Variants in GABRD observed in about 807,000 individuals in gnomAD.
GABRD encodes the protein gamma-aminobutyric acid type A receptor subunit delta, also known as gamma-aminobutyric acid receptor subunit delta.
In GABRD, 25 loss-of-function variants were observed where a neutral mutation model predicts 47.3. The ratio of observed to expected loss-of-function variants is 0.53; its 90% CI spans 0.39 to 0.74. GABRD has a LOEUF of 0.74. Ranked by LOEUF, GABRD falls within the 30% of genes least tolerant of loss-of-function variation. GABRD has a pLI of 0.00. For missense variants in GABRD, 497 were observed against 643.4 expected (o/e 0.77, Z 2.46); for synonymous variants, 314 against 278.8 (o/e 1.13, Z -1.26).
At chr1:2,029,921 C>T (rs1170900334) in intron 8 of GABRD, 62 bp from the exon 9 acceptor site, 21 of 1,592,072 alleles carry the variant, frequency 1.3e-5, no homozygotes, top group Non-Finnish European at 1.8e-5. Context: ...CACCTGTGGT[C>T]CAGGGCCCTG....
At chr1:2,019,533 G>C in intron 1 of GABRD, 42 bp downstream of exon 1, 1 of 1,079,620 alleles carries the variant, frequency 9.3e-7, no homozygotes, top group South Asian at 4.5e-5. Flanking sequence ...CGGGGGCGGT[G>C]GGGGGCCCGC....
chr1:2,027,265 T>C (rs1045171429), intron 4 of GABRD: 1 of 450,070 alleles, frequency 2.2e-6, no homozygotes, highest in Non-Finnish European at 4.1e-6. Flanking sequence ...TCCCGTGTGT[T>C]CCTCAGCCAT....
chr1:2,022,335 C>G (rs1012373408), intron 1 of GABRD: 1 of 152,436 alleles, frequency 6.6e-6, no homozygotes. Flanking sequence ...CGCACGCCCC[C>G]GCACTCTGGC....
rs146853417 is a variant in GABRD, at chr1:2,028,265, A to G, written c.664A>G (p.Thr222Ala). ...GTTCACCATCACCAGCTACCGCTTC[A>G]CCACGGAGCTGATGAACTTCAAGTC... ...AQFTITSYRF[T>A]TELMNFKSAG... is the part of the protein sequence containing the mutation. Residue 222 changes from threonine (T) to alanine (A), a missense_variant, in exon 6 of 9, where the codon ACC becomes GCC. Around this residue, in one of 3 missense-constraint regions of GABRD, gnomAD observed 285 missense variants for 436.6 expected, o/e 0.65. Transcript: ENST00000378585. The surrounding 1 kb of genome is among the most constrained non-coding windows in gnomAD (Gnocchi z 6.4). The G allele has an allele frequency of 1.1e-5, 18 of 1,611,796 alleles. No homozygotes were observed. The Middle Eastern group carries it at 1.0e-3, about 90-fold the overall frequency.
intron 1 of GABRD, among the ~76,000 whole-genome samples, chr1:2,023,353 C>T (rs939299299): frequency 2.6e-5 from 4 of 151,890 alleles, no homozygotes; most frequent in Non-Finnish European, 5.9e-5. Flanking sequence ...GCTGGTGGCC[C>T]GGCCTCAGCT....
At chr1:2,020,623 A>T (rs1658747025) in intron 1 of GABRD, among the ~76,000 whole-genome samples, 1 of 152,170 alleles carries the variant, frequency 6.6e-6, no homozygotes, top group Non-Finnish European at 1.5e-5. Flanking sequence ...CATCAATCCC[A>T]GTGGGCCTTT....
At position 2,024,961 on chromosome 1, in the gene GABRD, G is replaced by A. The variant is rs74786356; in HGVS notation, c.88G>A (p.Asp30Asn). The stretch of plus-strand genomic sequence containing the variant: ...CCCCAGAGCGATGAATGACATCGGC[G>A]ACTACGTGGGCTCCAACCTGGAGAT... ...RGTRAMNDIGDYVGSNLEISW... is the reference protein window; with the variant it reads ...RGTRAMNDIGNYVGSNLEISW... The change falls in exon 2 of 9, where the codon GAC becomes AAC. Residue 30 changes from aspartate (D) to asparagine (N), a missense_variant. Around this residue, in one of 3 missense-constraint regions of GABRD, gnomAD observed 91 missense variants for 85.5 expected, o/e 1.06. Transcript: ENST00000378585. 5.0e-6 allele frequency: 8 copies of A among 1,612,752 alleles called. No individual in the cohort carries two copies. The highest frequency in any genetic ancestry group is 1.7e-4 in the Middle Eastern group (1 of 6,054).
At chr1:2,023,053 G>A (rs1171129195) in intron 1 of GABRD, among the ~76,000 whole-genome samples, 1 of 152,184 alleles carries the variant, frequency 6.6e-6, no homozygotes, top group Non-Finnish European at 1.5e-5. Context: ...CGCACCTGAG[G>A]ATAAAGTGTA....
chr1:2,025,452 G>C (rs746967044), intron 3 of GABRD, 51 bp downstream of exon 3: 23 of 1,611,908 alleles, frequency 1.4e-5, no homozygotes, highest in Non-Finnish European at 4.2e-6. Flanking sequence ...CACAGCCTCT[G>C]CCCTGGGCTG....
chr1:2,030,176 G>A lies in GABRD; in HGVS notation c.1253G>A (p.Arg418Gln), dbSNP rs145055222. The A allele has an allele frequency of 6.4e-6, 10 of 1,570,166 alleles. No homozygotes were observed. Among genetic ancestry groups the A allele is most frequent in the East Asian group, 2.3e-5 (1 of 44,356 alleles). The stretch of plus-strand genomic sequence containing the variant: ...GGAGGCCAGGGGGGCATCCGTGCCC[G>A]GCTCAGGCCCATCGACGCAGACACC... ...RSGGQGGIRA[R>Q]LRPIDADTID... Residue 418 changes from arginine to glutamine, a missense_variant, in exon 9 of 9, where the codon CGG becomes CAG. Coordinates refer to ENST00000378585, the MANE Select transcript of GABRD (RefSeq NM_000815.5).
intron 4 of GABRD, chr1:2,026,488 G>A (rs116551199): frequency 1.3e-5 from 2 of 152,238 alleles, no homozygotes; most frequent in African/African-American, 4.8e-5. Context: ...TTGAAAACCT[G>A]TTTTCAGACA....
At chr1:2,025,446 G>A in intron 3 of GABRD, 45 bp downstream of exon 3, 1 of 1,612,322 alleles carries the variant, frequency 6.2e-7, no homozygotes, top group Non-Finnish European at 8.5e-7. Flanking sequence ...GGTGCCCACA[G>A]CCTCTGCCCT....
At chr1:2,019,650 C>A (rs1201269322) in intron 1 of GABRD, among the ~76,000 whole-genome samples, 159 bp downstream of exon 1, 1 of 151,806 alleles carries the variant, frequency 6.6e-6, no homozygotes, top group South Asian at 2.1e-4. Context: ...GCCCCGCGGG[C>A]CCCTCGTTGG....
rs541357274 is a variant in GABRD, at chr1:2,029,350, G to T, written c.847+84G>T. The T allele has an allele frequency of 5.1e-5, 75 of 1,480,890 alleles. No homozygotes were observed. In the East Asian group the frequency reaches 1.8e-3, roughly 35 times the overall value. 91.7% of individuals were successfully genotyped at this position (1,480,890 alleles called of 1,614,324 possible). On this transcript the variant is annotated intron_variant, in intron 7 of 8. Transcript: ENST00000378585. The stretch of plus-strand genomic sequence containing the variant: ...TCCCCATCCCTCGGCTGGGGGCTCA[G>T]CACTGGCCTCTGGACCATGCCAGCT...
intron 1 of GABRD, 93 bp downstream of exon 1, chr1:2,019,584 C>T (rs1658718224): frequency 4.1e-6 from 3 of 731,558 alleles, no homozygotes; most frequent in South Asian, 6.4e-5. Flanking sequence ...CCGGCGCGAG[C>T]CCCGGGCCCC....
At chr1:2,029,378 C>T (rs945801782) in intron 7 of GABRD, 112 bp downstream of exon 7, 47 of 1,447,732 alleles carry the variant, frequency 3.2e-5, no homozygotes, top group Non-Finnish European at 4.0e-5. Context: ...TGCCAGCTGT[C>T]CTGGGGCAGT....
Position 2,029,642 on chromosome 1 carries a change from C to T in GABRD, c.939C>T (p.Tyr313=). Reference sequence around the variant, plus strand: ...CAGCCATCAAGGCACTGGACGTCTACTTCTGGATCTGCTATGTCTTCGTGT... The same window carrying T: ...CAGCCATCAAGGCACTGGACGTCTATTTCTGGATCTGCTATGTCTTCGTGT... ...RASAIKALDV[Y]FWICYVFVFA... is the part of the protein sequence containing the mutation. The change falls in exon 8 of 9, where the codon TAC becomes TAT. Residue 313 remains tyrosine, a synonymous_variant. Coordinates refer to ENST00000378585, the MANE Select transcript of GABRD (RefSeq NM_000815.5). The T allele has an allele frequency of 6.2e-7, 1 of 1,613,522 alleles. No individual in the cohort carries two copies. The highest frequency in any genetic ancestry group is 1.3e-5 in the African/African-American group (1 of 75,064).
intron 2 of GABRD, 93 bp from the exon 3 acceptor site, chr1:2,025,241 C>T (rs866822556): frequency 6.1e-6 from 9 of 1,483,204 alleles, no homozygotes; most frequent in Middle Eastern, 1.9e-4. Context: ...CCATGATGGC[C>T]GACTGCCTGT....
Position 2,030,394 on chromosome 1 carries a change from G to T in GABRD, c.*112G>T. ...CTTCCCCTCTGCGTGTTTCGAAGTG[G>T]GATGACAGTCGGCCACGGAAAACAA... On this transcript the variant is annotated 3_prime_UTR_variant, in exon 9 of 9. Transcript: ENST00000378585. The T allele has an allele frequency of 1.0e-6, 1 of 976,506 alleles. No individual in the cohort carries two copies. The highest frequency in any genetic ancestry group is 3.0e-5 in the East Asian group (1 of 33,692). 60.5% of individuals were successfully genotyped at this position (976,506 alleles called of 1,614,324 possible).
Sources: allele counts gnomAD v4.1 joint callset (sites outside exome capture counted in the v4.1 genomes callset), GRCh38; gene constraint gnomAD v4.1.1; regional missense constraint gnomAD v4.1.1; non-coding constraint Gnocchi (gnomAD v3.1); transcripts MANE v1.5; gene names NCBI Gene and HGNC (gene_info 2026-07-23, HGNC 2026-07-21).